The following PLCB4 variants were observed in gnomAD, a reference collection of about 807,000 sequenced individuals.
The protein encoded by PLCB4 is phospholipase C beta 4.
A neutral mutation model predicts 178.8 loss-of-function variants in PLCB4; 77 were observed. The ratio of observed to expected loss-of-function variants is 0.43; its 90% CI spans 0.36 to 0.52. The LOEUF is 0.52. PLCB4 is among the 20% of genes least tolerant of loss of function. The pLI is 0.00. For synonymous variants in PLCB4, 496 were observed against 490.8 expected (o/e 1.01, Z -0.14); for missense variants, 1,024 against 1,453.4 (o/e 0.70, Z 4.80).
At chr20:9,163,252 C>A (rs143750733) in intron 2 of PLCB4, among the ~76,000 whole-genome samples, 3 of 151,946 alleles carry the variant, frequency 2.0e-5, no homozygotes, top group African/African-American at 7.3e-5. Context: ...CTGAAACTGC[C>A]GGGATGAAAA....
intron 4 of PLCB4, among the ~76,000 whole-genome samples, chr20:9,332,686 AT>A (rs771352666): frequency 6.3e-4 from 96 of 151,836 alleles, no homozygotes; most frequent in Non-Finnish European, 1.2e-3. Flanking sequence ...CCTGGTAAAT[AT>A]TTTTTTTCCC....
At chr20:9,070,076 A>G (rs967203313) in intron 1 of PLCB4, among the ~76,000 whole-genome samples, 10 of 152,096 alleles carry the variant, frequency 6.6e-5, no homozygotes, top group African/African-American at 2.4e-4. Context: ...TATTTAAGTT[A>G]TAGGTATGTG....
chr20:9,232,493 A>T (rs983017741), intron 3 of PLCB4, among the ~76,000 whole-genome samples: 2 of 152,168 alleles, frequency 1.3e-5, no homozygotes, highest in African/African-American at 4.8e-5. Flanking sequence ...CAAGAAAACC[A>T]TTCAGAGTCT....
Position 9,210,864 on chromosome 20 carries a change from C to G in PLCB4, c.-78-6526C>G, listed in dbSNP as rs185429847. Among the ~76,000 whole-genome samples the G allele has an allele frequency of 5.9e-5, 9 of 152,188 alleles. No individual in the cohort carries two copies. In the East Asian group the frequency reaches 1.7e-3, roughly 29 times the overall value. On this transcript the variant is annotated intron_variant, in intron 2 of 39. Transcript: ENST00000378473. ...TTCTAGAAGTTTTGTCTGTTTTTTT[C>G]ACTGCCATATACTCAAACTGAGAAC...
chr20:9,384,227 A>C lies in PLCB4; in HGVS notation c.880A>C (p.Arg294=), dbSNP rs2037388224. The change falls in exon 14 of 40, where the codon AGA becomes CGA. Residue 294 remains arginine, a synonymous_variant. Transcript: ENST00000378473. ...CCTTATATCAAGTGATGGGTTTTGC[A>C]GATATCTGATGTCAGATGAAAACGC... The part of the protein sequence containing the change: ...KGLISSDGFC[R]YLMSDENAPV... 1.2e-6 allele frequency: 2 copies of C among 1,614,020 alleles called. No individual in the cohort carries two copies. Among genetic ancestry groups the C allele is most frequent in the Admixed American group, 3.3e-5 (2 of 60,030 alleles).
chr20:9,199,790 A>T (rs1187465265), intron 2 of PLCB4, among the ~76,000 whole-genome samples: 1 of 151,914 alleles, frequency 6.6e-6, no homozygotes, highest in Non-Finnish European at 1.5e-5. Flanking sequence ...TTGTTGCAGC[A>T]TGCGAAATTT....
At chr20:9,415,954 G>C (rs2148539448) in intron 25 of PLCB4, among the ~76,000 whole-genome samples, 1 of 152,300 alleles carries the variant, frequency 6.6e-6, no homozygotes, top group Admixed American at 6.5e-5. Flanking sequence ...TGCTCTCTCA[G>C]ACCGCCTTGG....
intron 32 of PLCB4, among the ~76,000 whole-genome samples, chr20:9,447,829 T>C (rs1431832872): frequency 6.6e-6 from 1 of 152,252 alleles, no homozygotes; most frequent in African/African-American, 2.4e-5. Context: ...TTTCTCACAC[T>C]AATTTTTCTT....
intron 3 of PLCB4, among the ~76,000 whole-genome samples, chr20:9,230,242 C>T (rs1472284605): frequency 1.3e-5 from 2 of 152,126 alleles, no homozygotes; most frequent in African/African-American, 2.4e-5. Flanking sequence ...CTTATTCTAA[C>T]TTAATAACCT....
chr20:9,436,816 A>T (rs929250039), intron 29 of PLCB4, among the ~76,000 whole-genome samples, 186 bp from the exon 30 acceptor site: 9 of 152,240 alleles, frequency 5.9e-5, no homozygotes, highest in East Asian at 1.9e-4. Flanking sequence ...CTAGAAAAAG[A>T]GAAAGTATTC....
chr20:9,196,481 G>T (rs1269873115), intron 2 of PLCB4, among the ~76,000 whole-genome samples: 1 of 152,166 alleles, frequency 6.6e-6, no homozygotes, highest in African/African-American at 2.4e-5. Flanking sequence ...ACAGATGGTT[G>T]TTGCTTCCTT....
rs3746548 is a variant in PLCB4 at position 9,457,525 on chromosome 20, A to G, written c.3072+36A>G. ...GCCCATTTTTACAGCAGTGACTTGC[A>G]GAAGACACTTTGTAATTTTTTAGAA... On this transcript the variant is annotated intron_variant, in intron 34 of 39. Coordinates refer to ENST00000378473, the MANE Select transcript of PLCB4 (RefSeq NM_001377142.1). 0.099 allele frequency: 95,517 copies of G among 964,924 alleles called. 5,230 individuals are homozygous for G. The highest frequency in any genetic ancestry group is 0.13 in the African/African-American group (8,100 of 62,182). 59.8% of individuals were successfully genotyped at this position (964,924 alleles called of 1,614,324 possible).
chr20:9,362,866 C>T (rs1458603462), intron 7 of PLCB4, 30 bp from the exon 8 acceptor site: 1 of 1,483,214 alleles, frequency 6.7e-7, no homozygotes. Context: ...CAGATTTGCT[C>T]ACCAAGAATA....
intron 3 of PLCB4, among the ~76,000 whole-genome samples, chr20:9,242,833 A>C (rs1045917985): frequency 2.6e-5 from 4 of 152,148 alleles, no homozygotes; most frequent in Admixed American, 2.0e-4. Flanking sequence ...AAACTGTAGG[A>C]GTGGGATCTA....
intron 2 of PLCB4, among the ~76,000 whole-genome samples, chr20:9,212,678 G>C (rs1175211480): frequency 6.6e-6 from 1 of 152,000 alleles, no homozygotes; most frequent in Non-Finnish European, 1.5e-5. Context: ...AAATAAAATT[G>C]GATGTTTTCC....
At chr20:9,129,985 TTTGTTG>T (rs888781196) in intron 2 of PLCB4, among the ~76,000 whole-genome samples, 3 of 152,148 alleles carry the variant, frequency 2.0e-5, no homozygotes, top group African/African-American at 4.8e-5. Context: ...TTGTATCTAG[TTTGTTG>T]TTCTTGGCTC....
intron 2 of PLCB4, among the ~76,000 whole-genome samples, chr20:9,114,708 GCACTCTTCCC>G (rs958984862): frequency 1.3e-5 from 2 of 152,122 alleles, no homozygotes; most frequent in African/African-American, 4.8e-5. Flanking sequence ...GTTGTTGTCA[GCACTCTTCCC>G]CCAACCCCAA....
At chr20:9,326,284 C>T (rs2030549296) in intron 4 of PLCB4, among the ~76,000 whole-genome samples, 1 of 152,150 alleles carries the variant, frequency 6.6e-6, no homozygotes. Context: ...CAATAGCCTT[C>T]ATCCACTCTT....
At position 9,395,589 on chromosome 20, in the gene PLCB4, A is replaced by G; in HGVS notation, c.1481A>G (p.Glu494Gly). Residue 494 changes from glutamate to glycine, a missense_variant, in exon 19 of 40, where the codon GAG becomes GGG. Glu to Gly is a moderately conservative substitution (Grantham distance 98). Around this residue, in one of 7 missense-constraint regions of PLCB4, gnomAD observed 263 missense variants for 417.4 expected, o/e 0.63. Transcript: ENST00000378473. Reference protein sequence around the residue: ...GESASPANILEDDNEEEIESA... With the variant: ...GESASPANILGDDNEEEIESA... Reference sequence around the variant, plus strand: ...TCTGCCTCCCCAGCAAACATCTTAGAGGACGATAATGAAGAGGAGATCGAA... The same window carrying G: ...TCTGCCTCCCCAGCAAACATCTTAGGGGACGATAATGAAGAGGAGATCGAA... 6.2e-7 allele frequency: 1 copy of G among 1,612,920 alleles called. No individual in the cohort carries two copies. The highest frequency in any genetic ancestry group is 2.2e-5 in the East Asian group (1 of 44,876).
Sources: gnomAD v4.1 joint callset for allele counts (sites outside exome capture counted in the v4.1 genomes callset) on GRCh38, gnomAD v4.1.1 for gene constraint, gnomAD v4.1.1 regional missense constraint, MANE v1.5 for transcripts, NCBI Gene and HGNC (gene_info 2026-07-23, HGNC 2026-07-21) for gene names.